Variants in SPATS2L observed in about 807,000 individuals in gnomAD.
The protein encoded by SPATS2L is spermatogenesis associated serine rich 2 like, also known as SPATS2-like protein.
Under a neutral mutation model 59.6 loss-of-function variants are expected in SPATS2L, and 30 were observed. That is an observed-to-expected ratio of 0.50 (90% CI 0.38 to 0.68). The LOEUF is 0.68. SPATS2L is among the 30% of genes least tolerant of loss of function. SPATS2L has a pLI of 0.00. For missense variants in SPATS2L, 615 were observed against 700.0 expected (o/e 0.88, Z 1.37); for synonymous variants, 252 against 263.5 (o/e 0.96, Z 0.42).
chr2:200,344,676 C>A (rs1224223029), intron 2 of SPATS2L, among the ~76,000 whole-genome samples: 2 of 152,204 alleles, frequency 1.3e-5, no homozygotes, highest in African/African-American at 4.8e-5. Context: ...AACTAATTTA[C>A]ACTCCCACCA....
chr2:200,475,917 T>A (rs1021570382), intron 12 of SPATS2L, among the ~76,000 whole-genome samples: 2 of 152,206 alleles, frequency 1.3e-5, no homozygotes, highest in African/African-American at 4.8e-5. Context: ...CGGGAATAGC[T>A]CCACCATTTC....
At chr2:200,429,308 CATAAGG>C (rs1239095159) in intron 6 of SPATS2L, among the ~76,000 whole-genome samples, 4 of 152,126 alleles carry the variant, frequency 2.6e-5, no homozygotes, top group Non-Finnish European at 5.9e-5. Context: ...AAAAGAGGAC[CATAAGG>C]TGTCCACATT....
intron 6 of SPATS2L, among the ~76,000 whole-genome samples, chr2:200,438,083 G>A (rs554031389): frequency 4.6e-5 from 7 of 152,118 alleles, no homozygotes; most frequent in African/African-American, 1.7e-4. Flanking sequence ...ATATAAAACC[G>A]TGGTACCATG....
intron 10 of SPATS2L, among the ~76,000 whole-genome samples, chr2:200,468,773 G>A (rs1261554395): frequency 2.0e-5 from 3 of 152,136 alleles, no homozygotes; most frequent in South Asian, 2.1e-4. Context: ...CTTCCCCTCA[G>A]AAAGAAATTC....
chr2:200,305,998 G>A, upstream of SPATS2L: 1 of 982,668 alleles, frequency 1.0e-6, no homozygotes, highest in Non-Finnish European at 1.2e-6. Context: ...AGAAACCCAC[G>A]GCTGAAGCCC....
Position 200,439,109 on chromosome 2 carries a change from T to C in SPATS2L, c.446-13T>C. On this transcript the variant is annotated splice_polypyrimidine_tract_variant and intron_variant, in intron 6 of 12. Coordinates refer to ENST00000409140, the MANE Select transcript of SPATS2L (RefSeq NM_001100423.2). The stretch of plus-strand genomic sequence containing the variant: ...TTATCACTTCACAGTCATTATTTGG[T>C]GTTTTCTTACAGAAGGCAACAGACT... 1 of 1,605,630 alleles carries C rather than the reference T, an allele frequency of 6.2e-7. No individual in the cohort carries two copies. The highest frequency in any genetic ancestry group is 1.1e-5 in the South Asian group (1 of 90,818).
intron 3 of SPATS2L, among the ~76,000 whole-genome samples, chr2:200,405,740 G>A (rs1211803921): frequency 6.6e-6 from 1 of 152,136 alleles, no homozygotes; most frequent in Non-Finnish European, 1.5e-5. Flanking sequence ...TTGCAGGAAC[G>A]GCAAACCCAT....
At chr2:200,412,283 TATTTC>T (rs1206716535) in intron 3 of SPATS2L, 23 bp from the exon 4 acceptor site, 5 of 1,291,094 alleles carry the variant, frequency 3.9e-6, no homozygotes, top group Non-Finnish European at 4.3e-6. Flanking sequence ...TTCACATTTC[TATTTC>T]TTTTTTTTTT....
At chr2:200,347,734 AAGTATGCCAGTTTCTTCTCT>A (rs1224553371) in intron 2 of SPATS2L, among the ~76,000 whole-genome samples, 5 of 152,212 alleles carry the variant, frequency 3.3e-5, no homozygotes, top group African/African-American at 1.2e-4. Flanking sequence ...CCACCCCACC[AAGTATGCCAGTTTCTTCTCT>A]GAGTTATTAG....
chr2:200,306,469 T>TA, upstream of SPATS2L: 4 of 1,001,272 alleles, frequency 4.0e-6, no homozygotes, highest in Non-Finnish European at 4.8e-6. Flanking sequence ...GGAAAGGAGC[T>TA]AGGGAGGGCG....
At chr2:200,425,594 C>G (rs1398203276) in intron 6 of SPATS2L, among the ~76,000 whole-genome samples, 2 of 152,122 alleles carry the variant, frequency 1.3e-5, no homozygotes, top group Non-Finnish European at 2.9e-5. Flanking sequence ...TTGTGGTGAG[C>G]AGTAAATGAG....
At chr2:200,444,824 T>C (rs3769446) in intron 8 of SPATS2L, among the ~76,000 whole-genome samples, 60,955 of 151,838 alleles carry the variant, frequency 0.4, 12,326 homozygotes, top group Middle Eastern at 0.49. Context: ...CCATACAGGC[T>C]AGGGCTCCTC....
chr2:200,474,840 C>A (rs1371000812), intron 12 of SPATS2L, among the ~76,000 whole-genome samples: 2 of 152,180 alleles, frequency 1.3e-5, no homozygotes, highest in African/African-American at 4.8e-5. Context: ...GGACCGGGCC[C>A]TGTGTTTTCA....
At chr2:200,422,281 C>T (rs1196106781) in intron 6 of SPATS2L, among the ~76,000 whole-genome samples, 1 of 152,168 alleles carries the variant, frequency 6.6e-6, no homozygotes, top group Non-Finnish European at 1.5e-5. Flanking sequence ...TCACACTTGT[C>T]ATCCCAGCGC....
intron 2 of SPATS2L, among the ~76,000 whole-genome samples, chr2:200,347,192 T>C (rs2105834517): frequency 6.6e-6 from 1 of 152,340 alleles, no homozygotes; most frequent in East Asian, 1.9e-4. Context: ...ACTAATTTCC[T>C]ACCCAGTACC....
intron 8 of SPATS2L, among the ~76,000 whole-genome samples, chr2:200,446,607 G>A (rs1453693044): frequency 6.6e-6 from 1 of 152,156 alleles, no homozygotes; most frequent in African/African-American, 2.4e-5. Flanking sequence ...CAAAATGTCT[G>A]TAGTGCTGGG....
intron 2 of SPATS2L, among the ~76,000 whole-genome samples, chr2:200,353,414 C>T (rs2080806404): frequency 6.6e-6 from 1 of 152,206 alleles, no homozygotes; most frequent in Non-Finnish European, 1.5e-5. Context: ...CCAACCCACA[C>T]ACATCTGCCT....
chr2:200,374,650 G>T (rs1349113100), intron 2 of SPATS2L, among the ~76,000 whole-genome samples: 1 of 152,116 alleles, frequency 6.6e-6, no homozygotes, highest in African/African-American at 2.4e-5. Flanking sequence ...TCCACAGTTA[G>T]ATAATGAAAT....
chr2:200,336,858 T>A (rs1232831427), intron 2 of SPATS2L, among the ~76,000 whole-genome samples: 2 of 152,120 alleles, frequency 1.3e-5, no homozygotes, highest in African/African-American at 4.8e-5. Flanking sequence ...CTGTGAAGAG[T>A]GTTGATTCCT....
Sources: gnomAD v4.1 joint callset for allele counts (sites outside exome capture counted in the v4.1 genomes callset) on GRCh38, gnomAD v4.1.1 for gene constraint, MANE v1.5 for transcripts, NCBI Gene and HGNC (gene_info 2026-07-23, HGNC 2026-07-21) for gene names.